Variants in KLHL32 observed in about 807,000 individuals in gnomAD.
The protein encoded by KLHL32 is kelch-like protein 32.
In KLHL32, 35 loss-of-function variants were observed where a neutral mutation model predicts 64.8. That is an observed-to-expected ratio of 0.54 (90% CI 0.41 to 0.72). KLHL32 has a LOEUF of 0.72. Ranked by LOEUF, KLHL32 falls within the 30% of genes least tolerant of loss-of-function variation. The pLI is 0.00. For missense variants in KLHL32, 589 were observed against 768.5 expected, an observed-to-expected ratio of 0.77 and a Z score of 2.76; for synonymous variants, 259 against 281.0, an observed-to-expected ratio of 0.92 and a Z score of 0.78.
chr6:97,001,885 C>T (rs1365410478), intron 3 of KLHL32, among the ~76,000 whole-genome samples: 1 of 152,070 alleles, frequency 6.6e-6, no homozygotes, highest in African/African-American at 2.4e-5. Context: ...ATGTATATGC[C>T]TAAGAAGAGC....
chr6:97,028,938 A>G (rs910787604), intron 3 of KLHL32, among the ~76,000 whole-genome samples: 3 of 152,356 alleles, frequency 2.0e-5, no homozygotes, highest in East Asian at 1.9e-4. Context: ...CAGAACTACC[A>G]GAGGAATAAG....
chr6:97,069,300 G>A (rs1790322892), intron 5 of KLHL32, among the ~76,000 whole-genome samples: 1 of 151,944 alleles, frequency 6.6e-6, no homozygotes, highest in Non-Finnish European at 1.5e-5. Context: ...GTGGGCTACA[G>A]TGAAAATTAG....
the KLHL32 span, among the ~76,000 whole-genome samples, chr6:96,901,328 CT>C: frequency 0.78 from 114,612 of 147,118 alleles, 44,726 homozygotes; most frequent in East Asian, 0.97. Context: ...TCCTGGATGC[CT>C]TTTTTTTTTT....
chr6:96,959,245 G>A (rs1403391405), intron 1 of KLHL32, among the ~76,000 whole-genome samples: 1 of 152,184 alleles, frequency 6.6e-6, no homozygotes, highest in East Asian at 1.9e-4. Context: ...TGTCTGAGCA[G>A]AGCACAGACC....
chr6:96,951,006 A>G (rs530102931), intron 1 of KLHL32, among the ~76,000 whole-genome samples: 1 of 152,332 alleles, frequency 6.6e-6, no homozygotes, highest in South Asian at 2.1e-4. Flanking sequence ...AACAAAAAAA[A>G]AGTACTTCTC....
At chr6:97,035,711 G>A (rs1582796114) in intron 3 of KLHL32, among the ~76,000 whole-genome samples, 1 of 151,966 alleles carries the variant, frequency 6.6e-6, no homozygotes, top group African/African-American at 2.4e-5. Context: ...GTCTTATGGA[G>A]GTGGTTCCCT....
At chr6:96,913,667 A>G in the KLHL32 span, among the ~76,000 whole-genome samples, 1 of 152,208 alleles carries the variant, frequency 6.6e-6, no homozygotes, top group African/African-American at 2.4e-5. Flanking sequence ...TAAGAACATG[A>G]GAGTTAACTG....
At chr6:97,117,904 C>T (rs897042801) in intron 7 of KLHL32, among the ~76,000 whole-genome samples, 2 of 151,978 alleles carry the variant, frequency 1.3e-5, no homozygotes, top group African/African-American at 4.8e-5. Context: ...TGCTTTAAAA[C>T]TATAAAAATA....
Position 96,989,019 on chromosome 6 carries a change from G to C in KLHL32, c.204+12842G>C, listed in dbSNP as rs149876116. The stretch of plus-strand genomic sequence containing the variant: ...ACCTAATGTTAAATGAGAAGTTAAT[G>C]GGTGCAGCACACCAGCATGGCACAT... On this transcript the variant is annotated intron_variant, in intron 3 of 10. Coordinates refer to ENST00000369261, the MANE Select transcript of KLHL32 (RefSeq NM_052904.4). 5.0e-3 allele frequency among the ~76,000 whole-genome samples: 758 copies of C among 152,278 alleles called. 6 individuals carry two copies. The highest frequency in any genetic ancestry group is 0.017 in the African/African-American group (706 of 41,550).
intron 5 of KLHL32, among the ~76,000 whole-genome samples, chr6:97,076,971 G>C (rs1186179426): frequency 6.6e-6 from 1 of 152,016 alleles, no homozygotes; most frequent in Non-Finnish European, 1.5e-5. Context: ...TAAAGATGTG[G>C]CATTTTTTCT....
At chr6:97,089,904 G>T (rs1793981959) in intron 6 of KLHL32, among the ~76,000 whole-genome samples, 5 of 152,120 alleles carry the variant, frequency 3.3e-5, no homozygotes, top group Admixed American at 3.3e-4. Context: ...CAAAAAATTT[G>T]CTGGCTATGT....
chr6:97,050,131 T>C (rs1213734967), intron 4 of KLHL32, among the ~76,000 whole-genome samples: 12 of 152,194 alleles, frequency 7.9e-5, no homozygotes, highest in Non-Finnish European at 1.8e-4. Flanking sequence ...TGCAAAGAAG[T>C]TTAACTGTGG....
chr6:96,964,730 T>A (rs1278920640), intron 1 of KLHL32, among the ~76,000 whole-genome samples: 1 of 152,196 alleles, frequency 6.6e-6, no homozygotes, highest in Non-Finnish European at 1.5e-5. Context: ...TTTAATCAAG[T>A]ATATAAATAT....
chr6:97,028,072 A>T (rs181204867), intron 3 of KLHL32, among the ~76,000 whole-genome samples: 131 of 152,324 alleles, frequency 8.6e-4, no homozygotes, highest in Non-Finnish European at 1.5e-3. Context: ...CACTTCAAGT[A>T]TTCAAGTATG....
chr6:97,121,811 C>G (rs1223066701), intron 7 of KLHL32, among the ~76,000 whole-genome samples: 1 of 152,068 alleles, frequency 6.6e-6, no homozygotes, highest in East Asian at 1.9e-4. Flanking sequence ...ATATCATTTG[C>G]TTTATTCCCA....
intron 4 of KLHL32, among the ~76,000 whole-genome samples, chr6:97,054,417 T>G (rs1391790294): frequency 6.6e-6 from 1 of 152,244 alleles, no homozygotes; most frequent in Non-Finnish European, 1.5e-5. Context: ...GATGCACTGA[T>G]GAGAAAATGT....
intron 1 of KLHL32, among the ~76,000 whole-genome samples, chr6:96,932,143 G>A (rs1462703428): frequency 6.6e-6 from 1 of 150,410 alleles, no homozygotes; most frequent in African/African-American, 2.5e-5. Context: ...CCCTTTGGCT[G>A]CATAAAGATT....
At chr6:97,132,157 A>AG (rs1416665355) in intron 9 of KLHL32, among the ~76,000 whole-genome samples, 2 of 152,170 alleles carry the variant, frequency 1.3e-5, no homozygotes, top group East Asian at 3.9e-4. Context: ...AAGGTAGGGT[A>AG]GCAAGTTGAT....
chr6:97,053,888 A>G (rs1787362951), intron 4 of KLHL32, among the ~76,000 whole-genome samples: 1 of 152,126 alleles, frequency 6.6e-6, no homozygotes, highest in Non-Finnish European at 1.5e-5. Context: ...CACATACACT[A>G]CAAAATACAT....
Sources: allele counts gnomAD v4.1 joint callset (sites outside exome capture counted in the v4.1 genomes callset), GRCh38; gene constraint gnomAD v4.1.1; transcripts MANE v1.5; gene names NCBI Gene and HGNC (gene_info 2026-07-23, HGNC 2026-07-21).